Variants in TENM1 observed in about 807,000 individuals in gnomAD.
The protein encoded by TENM1 is teneurin-1.
TENM1 carries 35 observed loss-of-function variants against 174.8 expected under a neutral mutation model. The ratio of observed to expected loss-of-function variants is 0.20; its 90% CI spans 0.15 to 0.27. The LOEUF is 0.27. TENM1 is among the 10% of genes least tolerant of loss of function. The pLI is 1.00. For missense variants in TENM1, 1,633 were observed against 2,130.1 expected (o/e 0.77, Z 4.59); for synonymous variants, 781 against 798.7 (o/e 0.98, Z 0.37).
At chrX:125,168,242 C>T in the TENM1 span, among the ~76,000 whole-genome samples, 1 of 111,869 alleles carries the variant, frequency 8.9e-6, no homozygotes, top group South Asian at 3.7e-4. Context: ...TTATTTCAGC[C>T]TCAGAGCTTA....
At chrX:124,618,174 G>T (rs1226169258) in intron 11 of TENM1, among the ~76,000 whole-genome samples, 1 of 111,611 alleles carries the variant, frequency 9.0e-6, no homozygotes, top group African/African-American at 3.3e-5. Flanking sequence ...CATTCACGCT[G>T]CTTGGACTGG....
chrX:124,439,898 G>T (rs1414443248), intron 23 of TENM1, among the ~76,000 whole-genome samples: 1 of 111,548 alleles, frequency 9.0e-6, no homozygotes, highest in Non-Finnish European at 1.9e-5. Flanking sequence ...TCCCTATGGG[G>T]AAAGTAACAT....
chrX:124,502,782 T>C (rs1333143645), intron 19 of TENM1, among the ~76,000 whole-genome samples: 1 of 112,357 alleles, frequency 8.9e-6, no homozygotes, highest in Non-Finnish European at 1.9e-5. Context: ...GGGACTATAG[T>C]AGGCGGTCTC....
At chrX:125,078,814 T>C in the TENM1 span, among the ~76,000 whole-genome samples, 1 of 112,135 alleles carries the variant, frequency 8.9e-6, no homozygotes, top group African/African-American at 3.2e-5. Context: ...TGAAATGGTT[T>C]ACATAAAACA....
intron 11 of TENM1, among the ~76,000 whole-genome samples, chrX:124,582,782 C>G (rs768251518): frequency 8.9e-6 from 1 of 112,007 alleles, no homozygotes; most frequent in Admixed American, 9.4e-5. Context: ...CTTTCCTAGT[C>G]AAAGAAAGGG....
At chrX:124,682,350 C>A (rs1411478715) in intron 5 of TENM1, among the ~76,000 whole-genome samples, 1 of 111,242 alleles carries the variant, frequency 9.0e-6, no homozygotes, top group Non-Finnish European at 1.9e-5. Flanking sequence ...GTTAGAGTCT[C>A]ATTTTATGAA....
At chrX:124,823,689 G>T (rs912275724) in intron 3 of TENM1, among the ~76,000 whole-genome samples, 4 of 109,912 alleles carry the variant, frequency 3.6e-5, no homozygotes, top group African/African-American at 1.3e-4. Flanking sequence ...AGTAATATAG[G>T]TTTCACACAC....
exon 26 of TENM1, chrX:124,406,400 A>G: frequency 8.3e-7 from 1 of 1,209,078 alleles, no homozygotes; most frequent in East Asian, 3.0e-5. Flanking sequence ...ATCTAGCTCC[A>G]CTTTTGTCAG....
At chrX:125,128,463 TCTC>T in the TENM1 span, among the ~76,000 whole-genome samples, 2 of 111,837 alleles carry the variant, frequency 1.8e-5, no homozygotes, top group Admixed American at 9.5e-5. Flanking sequence ...ATTGCCCTTT[TCTC>T]CTCCTCCTGA....
chrX:124,560,236 TG>T, intron 14 of TENM1, among the ~76,000 whole-genome samples: 1 of 103,438 alleles, frequency 9.7e-6, no homozygotes, highest in Middle Eastern at 4.8e-3. Flanking sequence ...TGTGTGTGTA[TG>T]TGTGGTGTAG....
the TENM1 span, among the ~76,000 whole-genome samples, chrX:124,985,039 C>G: frequency 1.8e-5 from 2 of 111,968 alleles, no homozygotes; most frequent in African/African-American, 6.5e-5. Context: ...TCCGAAGTAA[C>G]TAACTCTGAC....
intron 5 of TENM1, among the ~76,000 whole-genome samples, chrX:124,701,719 T>G (rs1407311721): frequency 1.8e-5 from 2 of 112,260 alleles, no homozygotes; most frequent in Non-Finnish European, 3.8e-5. Flanking sequence ...TTCACCAACT[T>G]TTTTGAACTC....
intron 1 of TENM1, among the ~76,000 whole-genome samples, chrX:124,955,789 ACGCG>A (rs2058562227): frequency 2.2e-5 from 2 of 92,617 alleles, no homozygotes; most frequent in Admixed American, 1.1e-4. Context: ...GATACAACAC[ACGCG>A]CACGCACACA....
chrX:124,910,917 A>AT (rs751665035), intron 1 of TENM1, among the ~76,000 whole-genome samples: 1,917 of 101,852 alleles, frequency 0.019, 37 homozygotes, highest in African/African-American at 0.06. Context: ...ATATATTATA[A>AT]TTTTTTTTTT....
the TENM1 span, among the ~76,000 whole-genome samples, chrX:125,193,311 A>C: frequency 7.8e-4 from 88 of 112,798 alleles, no homozygotes; most frequent in African/African-American, 2.6e-3. Context: ...CAAAGTTCCC[A>C]AAAGCAAAAC....
chrX:124,483,974 C>T (rs947332879), intron 21 of TENM1, among the ~76,000 whole-genome samples: 3 of 112,009 alleles, frequency 2.7e-5, no homozygotes, highest in African/African-American at 9.7e-5. Context: ...ACCTAATGTT[C>T]TCTTTCTGTT....
the TENM1 span, among the ~76,000 whole-genome samples, chrX:125,148,567 CTCAAG>C: frequency 1.8e-5 from 2 of 111,832 alleles, no homozygotes; most frequent in African/African-American, 6.5e-5. Flanking sequence ...GGTGATGACC[CTCAAG>C]TCTGTCTCTA....
chrX:125,159,897 T>C, the TENM1 span, among the ~76,000 whole-genome samples: 846 of 111,435 alleles, frequency 7.6e-3, 8 homozygotes, highest in African/African-American at 0.026. Context: ...AGGAAACAGT[T>C]CAGTCAAAAA....
At chrX:124,736,022 C>T (rs1290437459) in intron 4 of TENM1, among the ~76,000 whole-genome samples, 1 of 111,132 alleles carries the variant, frequency 9.0e-6, no homozygotes, top group African/African-American at 3.3e-5. Flanking sequence ...AAGCCCAAAC[C>T]TCACCACTGC....
Sources: gnomAD v4.1 joint callset for allele counts (sites outside exome capture counted in the v4.1 genomes callset) on GRCh38, gnomAD v4.1.1 for gene constraint, MANE v1.5 for transcripts, NCBI Gene and HGNC (gene_info 2026-07-23, HGNC 2026-07-21) for gene names.